The following TNFSF4 variants were observed in gnomAD, a reference collection of about 807,000 sequenced individuals.
The protein encoded by TNFSF4 is TNF superfamily member 4, also known as tumor necrosis factor ligand superfamily member 4.
Under a neutral mutation model 7.3 loss-of-function variants are expected in TNFSF4, and 4 were observed. That is an observed-to-expected ratio of 0.55 (90% confidence interval 0.27 to 1.25). The LOEUF (loss-of-function observed/expected upper bound fraction) is 1.25, where lower values mean the gene tolerates loss of function less well. TNFSF4 is among the 50% of genes most tolerant of loss of function. The probability of loss-of-function intolerance (pLI) is 0.12; values close to 1 mark genes in which losing one functional copy is unlikely to be tolerated. For synonymous variants in TNFSF4, 76 were observed against 83.7 expected (o/e 0.91, Z 0.50); for missense variants, 181 against 208.8 (o/e 0.87, Z 0.82).
the TNFSF4 span, among the ~76,000 whole-genome samples, chr1:173,325,317 G>A: frequency 4.6e-5 from 7 of 152,128 alleles, no homozygotes; most frequent in Admixed American, 2.6e-4. Context: ...TGAAACCAAC[G>A]AGAACAAAGA....
At position 173,186,705 on chromosome 1, in the gene TNFSF4, C is replaced by G. The variant is rs1649242119; in HGVS notation, c.363G>C (p.Lys121Asn). The G allele has an allele frequency of 1.2e-6, 2 of 1,614,034 alleles. No homozygotes were observed. The highest frequency in any genetic ancestry group is 1.7e-6 in the Non-Finnish European group (2 of 1,180,030). Residue 121 changes from lysine (K) to asparagine (N), a missense_variant, in exon 3 of 3, where the codon AAG becomes AAC. By Grantham distance (94) the Lys-to-Asn change is moderately conservative. Coordinates refer to ENST00000281834, the MANE Select transcript of TNFSF4 (RefSeq NM_003326.5). The part of the protein sequence containing the change: ...QEVNISLHYQ[K>N]DEEPLFQLKK... The stretch of plus-strand genomic sequence containing the variant: ...TCAGTTGGAAGAGGGGCTCCTCATC[C>G]TTCTGGTAATGAAGGCTAATGTTGA...
chr1:173,375,944 A>T, the TNFSF4 span, among the ~76,000 whole-genome samples: 20 of 152,152 alleles, frequency 1.3e-4, no homozygotes, highest in Non-Finnish European at 2.8e-4. Context: ...CAGTGAGACC[A>T]CTAACCCACT....
the TNFSF4 span, among the ~76,000 whole-genome samples, chr1:173,222,920 G>C: frequency 6.6e-6 from 1 of 152,178 alleles, no homozygotes; most frequent in Non-Finnish European, 1.5e-5. Flanking sequence ...TCTTACCCCA[G>C]ACAAAGGCCC....
At chr1:173,432,188 T>C in the TNFSF4 span, among the ~76,000 whole-genome samples, 3 of 152,126 alleles carry the variant, frequency 2.0e-5, no homozygotes, top group Non-Finnish European at 2.9e-5. Context: ...TGCTCCCCAG[T>C]GAGGAATCCA....
the TNFSF4 span, chr1:173,362,385 T>C: frequency 2.4e-6 from 1 of 412,746 alleles, no homozygotes; most frequent in East Asian, 5.7e-5. Flanking sequence ...GCCTTCTTAT[T>C]TGTGGTCCAG....
chr1:173,332,053 C>T, the TNFSF4 span, among the ~76,000 whole-genome samples: 5 of 152,030 alleles, frequency 3.3e-5, no homozygotes, highest in Admixed American at 3.3e-4. Flanking sequence ...ATTACCCAGC[C>T]CAAATGCCAA....
At chr1:173,191,578 C>T (rs1649480998) in intron 1 of TNFSF4, among the ~76,000 whole-genome samples, 1 of 152,140 alleles carries the variant, frequency 6.6e-6, no homozygotes, top group Admixed American at 6.5e-5. Context: ...GCTTTATTGC[C>T]ACATATATCC....
At chr1:173,271,482 A>T in the TNFSF4 span, among the ~76,000 whole-genome samples, 1 of 151,670 alleles carries the variant, frequency 6.6e-6, no homozygotes, top group South Asian at 2.1e-4. Flanking sequence ...ATCTACAAAG[A>T]ACTTAAACAA....
chr1:173,324,993 T>G, the TNFSF4 span, among the ~76,000 whole-genome samples: 1 of 152,188 alleles, frequency 6.6e-6, no homozygotes, highest in Non-Finnish European at 1.5e-5. Flanking sequence ...GGAATTGAAC[T>G]CAGCTCTGCA....
chr1:173,353,950 C>T, the TNFSF4 span, among the ~76,000 whole-genome samples: 1 of 151,392 alleles, frequency 6.6e-6, no homozygotes, highest in Admixed American at 6.6e-5. Context: ...CAAACAAATC[C>T]CAAAGCTAGA....
the TNFSF4 span, among the ~76,000 whole-genome samples, chr1:173,392,971 C>T: frequency 6.6e-6 from 1 of 152,090 alleles, no homozygotes; most frequent in Admixed American, 6.6e-5. Flanking sequence ...ATTTTATTTT[C>T]CTAACCCAGA....
At chr1:173,201,599 T>A (rs544546344) in intron 1 of TNFSF4, among the ~76,000 whole-genome samples, 1 of 152,292 alleles carries the variant, frequency 6.6e-6, no homozygotes, top group South Asian at 2.1e-4. Context: ...GCCCAGGGAA[T>A]TTCAAGAAAT....
At chr1:173,243,908 G>A in the TNFSF4 span, among the ~76,000 whole-genome samples, 14 of 152,238 alleles carry the variant, frequency 9.2e-5, no homozygotes, top group South Asian at 2.9e-3. Flanking sequence ...TCATTGCTCT[G>A]TCACCTTAGA....
the TNFSF4 span, among the ~76,000 whole-genome samples, chr1:173,334,429 C>A: frequency 1.3e-5 from 2 of 152,206 alleles, no homozygotes; most frequent in African/African-American, 2.4e-5. Context: ...AGCCTAAGTT[C>A]TCTGCTTAAA....
At chr1:173,321,798 T>A in the TNFSF4 span, among the ~76,000 whole-genome samples, 1 of 152,126 alleles carries the variant, frequency 6.6e-6, no homozygotes, top group Non-Finnish European at 1.5e-5. Flanking sequence ...AAGGCGATTA[T>A]TAAAAAGTCA....
the TNFSF4 span, among the ~76,000 whole-genome samples, chr1:173,276,667 A>G: frequency 3.9e-5 from 6 of 152,156 alleles, no homozygotes; most frequent in Non-Finnish European, 8.8e-5. Context: ...TCTATTTGAC[A>G]TTTCAAATTT....
chr1:173,372,498 G>A, the TNFSF4 span, among the ~76,000 whole-genome samples: 1 of 152,178 alleles, frequency 6.6e-6, no homozygotes, highest in African/African-American at 2.4e-5. Flanking sequence ...TCAGACTCGT[G>A]GGACAACCCC....
At chr1:173,237,574 T>C in the TNFSF4 span, among the ~76,000 whole-genome samples, 1 of 152,118 alleles carries the variant, frequency 6.6e-6, no homozygotes, top group Admixed American at 6.6e-5. Flanking sequence ...GTATACAAAA[T>C]CAATGTACAA....
chr1:173,174,872 C>G, the TNFSF4 span, among the ~76,000 whole-genome samples: 5,121 of 152,226 alleles, frequency 0.034, 270 homozygotes, highest in African/African-American at 0.12. Flanking sequence ...AAACAAAAAG[C>G]TACAGGGCTA....
Sources: allele counts gnomAD v4.1 joint callset (sites outside exome capture counted in the v4.1 genomes callset), GRCh38; gene constraint gnomAD v4.1.1; transcripts MANE v1.5; gene names NCBI Gene and HGNC (gene_info 2026-07-23, HGNC 2026-07-21).